Variants in RGS12 observed in about 807,000 individuals in gnomAD.
RGS12 encodes regulator of G-protein signaling 12.
Under a neutral mutation model 120.1 loss-of-function variants are expected in RGS12, and 66 were observed. The observed-to-expected ratio is 0.55, with a 90% confidence interval of 0.45 to 0.67. The LOEUF (loss-of-function observed/expected upper bound fraction) is 0.67, where lower values mean the gene tolerates loss of function less well. RGS12 is among the 30% of genes least tolerant of loss of function. The probability of loss-of-function intolerance (pLI) is 0.00; values close to 1 mark genes in which losing one functional copy is unlikely to be tolerated. For synonymous variants in RGS12, 827 were observed against 804.7 expected (o/e 1.03, Z -0.47); for missense variants, 1,859 against 1,957.7 (o/e 0.95, Z 0.95).
chr4:3,348,419 T>C (rs893074383), intron 3 of RGS12, among the ~76,000 whole-genome samples: 9 of 152,248 alleles, frequency 5.9e-5, no homozygotes, highest in African/African-American at 1.9e-4. Flanking sequence ...CCTCCTGTGG[T>C]GTGATTGCTT....
At position 3,430,394 on chromosome 4, in the gene RGS12, T is replaced by C. The variant is rs1318332979; in HGVS notation, c.3566-13T>C. ...TCTCTAAAACACGGTCACTCTGGGTTTTCTTCCAATAGAGTTTTTTGAGCT... is the reference window on the plus strand; with the variant it reads ...TCTCTAAAACACGGTCACTCTGGGTCTTCTTCCAATAGAGTTTTTTGAGCT... On this transcript the variant is annotated splice_polypyrimidine_tract_variant and intron_variant, in intron 16 of 17. Coordinates refer to ENST00000336727, the MANE Select transcript of RGS12 (RefSeq NM_001394154.1). 1 of 1,602,236 alleles carries C rather than the reference T, an allele frequency of 6.2e-7. No individual in the cohort carries two copies. Among genetic ancestry groups the C allele is most frequent in the Admixed American group, 1.7e-5 (1 of 58,480 alleles).
intron 3 of RGS12, among the ~76,000 whole-genome samples, chr4:3,346,791 CA>C (rs1411948026): frequency 6.6e-6 from 1 of 152,176 alleles, no homozygotes; most frequent in Admixed American, 6.5e-5. Flanking sequence ...GAAGCCAAAC[CA>C]AGGCAGACTA....
At chr4:3,327,218 G>A (rs563789591) in intron 2 of RGS12, among the ~76,000 whole-genome samples, 179 of 152,320 alleles carry the variant, frequency 1.2e-3, no homozygotes, top group Middle Eastern at 3.4e-3. Flanking sequence ...TCAATAAATG[G>A]TACTGGGAAA....
At chr4:3,314,477 A>C (rs1724604789) in intron 1 of RGS12, 1 of 152,176 alleles carries the variant, frequency 6.6e-6, no homozygotes, top group Non-Finnish European at 1.5e-5. Flanking sequence ...ATCTCGGCTC[A>C]CTGCAAGCTC....
At position 3,431,808 on chromosome 4, in the gene RGS12, C is replaced by T. The variant is rs141954542; in HGVS notation, c.4114+853C>T. The T allele has an allele frequency of 1.7e-4, 167 of 985,704 alleles. 1 individual carries two copies. In the East Asian group the frequency reaches 1.9e-3, roughly 11 times the overall value. The allele number at this position is 985,704 out of a possible 1,614,324, so 61.1% of individuals were successfully genotyped here. On this transcript the variant is annotated intron_variant, in intron 17 of 17. Transcript: ENST00000336727. ...GGTTTGCTGCTGGGGGCGATGGGAG[C>T]GCCTCTCCGTCCTGTGCCCTGGTCC...
chr4:3,334,117 G>T (rs547885389), intron 2 of RGS12, among the ~76,000 whole-genome samples: 1 of 152,158 alleles, frequency 6.6e-6, no homozygotes, highest in Non-Finnish European at 1.5e-5. Context: ...AATTAAAATA[G>T]AATAAATTAT....
rs1711635476 is a variant in RGS12 at position 3,329,768 on chromosome 4, G to A, written c.1881+11717G>A. ...ATCAGATTGGGTTATATAAAATAAA[G>A]GTACATTTTAAAGTTAAATGTCTTA... On this transcript the variant is annotated intron_variant, in intron 2 of 17. Coordinates refer to ENST00000336727, the MANE Select transcript of RGS12 (RefSeq NM_001394154.1). Among the ~76,000 whole-genome samples, 5 of 152,180 alleles carry A rather than the reference G, an allele frequency of 3.3e-5. No individual in the cohort carries two copies. In the South Asian group the frequency reaches 1.0e-3, roughly 32 times the overall value.
chr4:3,422,860 G>T, intron 11 of RGS12, 45 bp from the exon 12 acceptor site: 1 of 1,549,104 alleles, frequency 6.5e-7, no homozygotes. Context: ...CGTTTGGGGG[G>T]CTGCCTGCTG....
In RGS12 at chr4:3,316,220, C is replaced by T. The variant is rs1724730523; in HGVS notation, c.50C>T (p.Pro17Leu). The T allele has an allele frequency of 6.2e-7, 1 of 1,607,034 alleles. No homozygotes were observed. The highest frequency in any genetic ancestry group is 1.1e-5 in the South Asian group (1 of 90,072). The change falls in exon 2 of 18, where the codon CCC becomes CTC. Residue 17 changes from proline (P) to leucine (L), a missense_variant. This residue lies in a region of RGS12 where 967 missense variants were observed against 994.2 expected (regional missense o/e 0.97). Transcript: ENST00000336727. ...AAACGCCCATTGCCTGGGCCGTCGC[C>T]CCCAAGGGTGCGGAGTGTGGAGGTT... ...ASKRPLPGPS[P>L]PRVRSVEVAR...
At chr4:3,406,009 C>T (rs1039427326) in intron 4 of RGS12, among the ~76,000 whole-genome samples, 3 of 151,998 alleles carry the variant, frequency 2.0e-5, no homozygotes, top group East Asian at 3.9e-4. Flanking sequence ...TCGTATGTCC[C>T]GGCTCCCCCA....
Position 3,425,444 on chromosome 4 carries a change from A to T in RGS12, c.3235-20A>T. The T allele has an allele frequency of 6.3e-7, 1 of 1,597,498 alleles. No homozygotes were observed. Among genetic ancestry groups the T allele is most frequent in the Non-Finnish European group, 8.6e-7 (1 of 1,166,444 alleles). On this transcript the variant is annotated intron_variant, in intron 13 of 17. Coordinates refer to ENST00000336727, the MANE Select transcript of RGS12 (RefSeq NM_001394154.1). ...AAGTTCCAGTCTGGGTAAATTATTCAGTGCTGATCTCTGCCCTAGAGTGGA... is the reference window on the plus strand; with the variant it reads ...AAGTTCCAGTCTGGGTAAATTATTCTGTGCTGATCTCTGCCCTAGAGTGGA...
intron 4 of RGS12, among the ~76,000 whole-genome samples, chr4:3,405,299 A>G (rs1720992322): frequency 6.6e-6 from 1 of 152,246 alleles, no homozygotes; most frequent in Non-Finnish European, 1.5e-5. Flanking sequence ...GATGAGAGCC[A>G]GCGTCACCCA....
chr4:3,348,428 T>G (rs1282529777), intron 3 of RGS12, among the ~76,000 whole-genome samples: 1 of 152,230 alleles, frequency 6.6e-6, no homozygotes, highest in African/African-American at 2.4e-5. Flanking sequence ...GTGTGATTGC[T>G]TCTCCTCATG....
At chr4:3,393,561 C>T (rs761623436) in intron 4 of RGS12, among the ~76,000 whole-genome samples, 9 of 152,216 alleles carry the variant, frequency 5.9e-5, no homozygotes, top group Non-Finnish European at 1.3e-4. Context: ...TGGGTGGTCA[C>T]AGGGCTCACC....
At chr4:3,368,351 GTGCA>G (rs1716558248) in intron 3 of RGS12, among the ~76,000 whole-genome samples, 1 of 151,232 alleles carries the variant, frequency 6.6e-6, no homozygotes. Flanking sequence ...CTGTGTGTGT[GTGCA>G]CCTGTGTGTG....
At chr4:3,398,314 A>G (rs1720249378) in intron 4 of RGS12, among the ~76,000 whole-genome samples, 3 of 152,210 alleles carry the variant, frequency 2.0e-5, no homozygotes, top group African/African-American at 7.2e-5. Flanking sequence ...TAAAAACCCA[A>G]TTTTAAAATA....
intron 2 of RGS12, among the ~76,000 whole-genome samples, chr4:3,333,561 T>A (rs887799779): frequency 6.6e-6 from 1 of 152,222 alleles, no homozygotes; most frequent in Non-Finnish European, 1.5e-5. Flanking sequence ...GTTAACTTTT[T>A]TCTCTGTGGG....
chr4:3,331,077 C>G lies in RGS12; in HGVS notation c.1882-11860C>G, dbSNP rs560985071. On this transcript the variant is annotated intron_variant, in intron 2 of 17. Coordinates refer to ENST00000336727, the MANE Select transcript of RGS12 (RefSeq NM_001394154.1). ...GGTTCTTGCAGGAATGGCGAGCAGCCTGTCACGCAAAGCGGATCAATACAT... is the reference window on the plus strand; with the variant it reads ...GGTTCTTGCAGGAATGGCGAGCAGCGTGTCACGCAAAGCGGATCAATACAT... Among the ~76,000 whole-genome samples the G allele has an allele frequency of 2.8e-3, 425 of 152,280 alleles. 2 individuals carry two copies. Among genetic ancestry groups the G allele is most frequent in the African/African-American group, 9.4e-3 (392 of 41,570 alleles).
intron 1 of RGS12, among the ~76,000 whole-genome samples, chr4:3,300,780 T>G (rs1723643536): frequency 6.6e-6 from 1 of 152,236 alleles, no homozygotes; most frequent in African/African-American, 2.4e-5. Flanking sequence ...CCCTTTTGCC[T>G]CCCTCTTTTA....
Sources: gnomAD v4.1 joint callset for allele counts (sites outside exome capture counted in the v4.1 genomes callset) on GRCh38, gnomAD v4.1.1 for gene constraint, gnomAD v4.1.1 regional missense constraint, MANE v1.5 for transcripts, NCBI Gene and HGNC (gene_info 2026-07-23, HGNC 2026-07-21) for gene names.